LUC7L2: variants seen among roughly 807,000 people sequenced by gnomAD.
LUC7L2 encodes LUC7 like 2, pre-mRNA splicing factor.
Under a neutral mutation model 52.8 loss-of-function variants are expected in LUC7L2, and 25 were observed. The ratio of observed to expected loss-of-function variants is 0.47; its 90% CI spans 0.34 to 0.66. The LOEUF is 0.66. Ranked by LOEUF, LUC7L2 falls within the 30% of genes least tolerant of loss-of-function variation. LUC7L2 has a pLI of 0.01. For missense variants in LUC7L2, 328 were observed against 497.8 expected, an observed-to-expected ratio of 0.66 and a Z score of 3.25; for synonymous variants, 144 against 160.9, an observed-to-expected ratio of 0.89 and a Z score of 0.80.
At chr7:139,359,889 T>C, upstream of LUC7L2, 2 of 417,136 alleles carry the variant, frequency 4.8e-6, no homozygotes, top group Non-Finnish European at 8.5e-6. Flanking sequence ...GCGAGGAGCG[T>C]GCGCGCTCCC....
rs1313877307 is a variant in LUC7L2 at position 139,368,991 on chromosome 7, TTTTTTTTC to T, written c.62-7064_62-7057del. Among the ~76,000 whole-genome samples the T allele has an allele frequency of 2.0e-5, 3 of 152,172 alleles. No homozygotes were observed. The East Asian group carries it at 5.8e-4, about 29-fold the overall frequency. Reference sequence around the variant, plus strand: ...CCTCTGTCCCTTGATATTTTCATCTTTTTTTTTCTTTTTTATTTCTTTTCCTTTGGATT... The same window carrying T: ...CCTCTGTCCCTTGATATTTTCATCTTTTTTTTATTTCTTTTCCTTTGGATT... On this transcript the variant is annotated intron_variant, in intron 1 of 9. Coordinates refer to ENST00000354926, the MANE Select transcript of LUC7L2 (RefSeq NM_016019.5).
intron 2 of LUC7L2, among the ~76,000 whole-genome samples, chr7:139,380,039 C>T (rs925836835): frequency 2.6e-5 from 4 of 151,240 alleles, no homozygotes; most frequent in Admixed American, 6.6e-5. Flanking sequence ...ATTAGCCGGG[C>T]GTAGTGGCCC....
intron 1 of LUC7L2, among the ~76,000 whole-genome samples, chr7:139,372,786 TAAAAAATTA>T (rs1800519979): frequency 6.6e-6 from 1 of 152,054 alleles, no homozygotes; most frequent in Non-Finnish European, 1.5e-5. Flanking sequence ...CAAAAAAATT[TAAAAAATTA>T]AAAAAATTAA....
intron 1 of LUC7L2, among the ~76,000 whole-genome samples, chr7:139,367,586 C>T (rs1176490614): frequency 2.6e-5 from 4 of 152,122 alleles, no homozygotes; most frequent in Non-Finnish European, 5.9e-5. Flanking sequence ...TCATGTAACA[C>T]CTAAAGTCAT....
At chr7:139,362,575 A>G (rs1372693337) in intron 1 of LUC7L2, among the ~76,000 whole-genome samples, 5 of 150,342 alleles carry the variant, frequency 3.3e-5, no homozygotes, top group African/African-American at 9.7e-5. Context: ...AGGAGGTGGG[A>G]GAGAGATGGA....
chr7:139,374,740 A>T (rs1800620783), intron 1 of LUC7L2: 2 of 1,276,296 alleles, frequency 1.6e-6, no homozygotes, highest in African/African-American at 1.5e-5. Context: ...TGTTTTAAAA[A>T]TATCTTTAAC....
At chr7:139,373,085 T>C (rs1800536702) in intron 1 of LUC7L2, among the ~76,000 whole-genome samples, 1 of 152,246 alleles carries the variant, frequency 6.6e-6, no homozygotes, top group African/African-American at 2.4e-5. Context: ...AGTTCTTTCT[T>C]CTTTTTATAA....
intron 9 of LUC7L2, among the ~76,000 whole-genome samples, chr7:139,418,884 G>C (rs1207098820): frequency 6.6e-6 from 1 of 152,114 alleles, no homozygotes; most frequent in Non-Finnish European, 1.5e-5. Context: ...TTGGGAGACC[G>C]AGATGGGCGT....
upstream of LUC7L2, chr7:139,359,555 G>A (rs967450547): frequency 3.5e-4 from 117 of 337,502 alleles, no homozygotes; most frequent in Non-Finnish European, 5.4e-4. Context: ...CGATGGGCAT[G>A]GTCTCTACTT....
At chr7:139,384,698 A>G (rs1301475312) in intron 2 of LUC7L2, among the ~76,000 whole-genome samples, 1 of 152,216 alleles carries the variant, frequency 6.6e-6, no homozygotes. Context: ...AAAATAGTAA[A>G]CGGGGTACTC....
chr7:139,421,713 T>C (rs1350246660), intron 9 of LUC7L2, among the ~76,000 whole-genome samples: 3 of 152,224 alleles, frequency 2.0e-5, no homozygotes, highest in Admixed American at 2.0e-4. Flanking sequence ...TGGATGGTTT[T>C]TACATTCTAA....
intron 1 of LUC7L2, chr7:139,375,360 A>C: frequency 3.0e-6 from 3 of 985,448 alleles, no homozygotes; most frequent in Non-Finnish European, 3.6e-6. Flanking sequence ...CTCAGACTAC[A>C]TAAAACTTGG....
At chr7:139,388,745 T>G (rs1170704339) in intron 2 of LUC7L2, among the ~76,000 whole-genome samples, 1 of 151,690 alleles carries the variant, frequency 6.6e-6, no homozygotes, top group Non-Finnish European at 1.5e-5. Flanking sequence ...GTTTTCCCAT[T>G]TGATTTAGTC....
chr7:139,376,426 A>AT (rs1800714997), intron 2 of LUC7L2, among the ~76,000 whole-genome samples: 1 of 152,198 alleles, frequency 6.6e-6, no homozygotes, highest in African/African-American at 2.4e-5. Flanking sequence ...GTTATATAGC[A>AT]TTTGTACTTT....
chr7:139,410,236 T>C (rs1433436383), intron 7 of LUC7L2, among the ~76,000 whole-genome samples: 1 of 152,038 alleles, frequency 6.6e-6, no homozygotes, highest in Non-Finnish European at 1.5e-5. Flanking sequence ...AACAAAATCC[T>C]TTTCTAGCCC....
intron 1 of LUC7L2, among the ~76,000 whole-genome samples, chr7:139,349,864 T>A (rs1195421863): frequency 3.3e-5 from 5 of 152,190 alleles, no homozygotes; most frequent in African/African-American, 7.2e-5. Context: ...GGTGTACAGG[T>A]CAATGAATTT....
intron 1 of LUC7L2, among the ~76,000 whole-genome samples, chr7:139,371,670 G>C (rs993780832): frequency 1.3e-5 from 2 of 152,146 alleles, no homozygotes; most frequent in Admixed American, 6.5e-5. Context: ...GTTAATATAA[G>C]TTTCAGAAAA....
At chr7:139,407,000 G>GTTTTT (rs779013466) in intron 5 of LUC7L2, among the ~76,000 whole-genome samples, 174 bp from the exon 6 acceptor site, 6,313 of 110,484 alleles carry the variant, frequency 0.057, 615 homozygotes, top group African/African-American at 0.13. Flanking sequence ...ATGCTTTTGT[G>GTTTTT]GTTTTTTTTT....
chr7:139,377,689 G>A (rs1483714319), intron 2 of LUC7L2, among the ~76,000 whole-genome samples: 3 of 152,010 alleles, frequency 2.0e-5, no homozygotes, highest in Non-Finnish European at 4.4e-5. Flanking sequence ...ACCGTGCCCG[G>A]CCCTAATTTT....
Sources: allele counts gnomAD v4.1 joint callset (sites outside exome capture counted in the v4.1 genomes callset), GRCh38; gene constraint gnomAD v4.1.1; transcripts MANE v1.5; gene names NCBI Gene and HGNC (gene_info 2026-07-23, HGNC 2026-07-21).